ATG4C: variants seen among roughly 807,000 people sequenced by gnomAD.
The protein encoded by ATG4C is autophagy related 4C cysteine peptidase.
Under a neutral mutation model 57.6 loss-of-function variants are expected in ATG4C, and 56 were observed. The observed-to-expected ratio is 0.97, with a 90% CI of 0.78 to 1.21. The LOEUF (loss-of-function observed/expected upper bound fraction) is 1.21. Among genes scored for constraint, ATG4C ranks in the 50% most tolerant of loss-of-function variants. The pLI is 0.00. For missense variants in ATG4C, 595 were observed against 529.8 expected (o/e 1.12, Z -1.21); for synonymous variants, 157 against 174.1 (o/e 0.90, Z 0.78).
rs139212014 is a variant in ATG4C at position 62,860,168 on chromosome 1, G to A, written c.1210-3824G>A. Reference sequence around the variant, plus strand: ...CCACTATCTTCTACCCCTACATCTTGTCCCACTAGAAGGTCTCCAGGGATG... The same window carrying A: ...CCACTATCTTCTACCCCTACATCTTATCCCACTAGAAGGTCTCCAGGGATG... On this transcript the variant is annotated intron_variant, in intron 10 of 10. Coordinates refer to ENST00000317868, the MANE Select transcript of ATG4C (RefSeq NM_032852.4). Among the ~76,000 whole-genome samples, 7 of 152,148 alleles carry A rather than the reference G, an allele frequency of 4.6e-5. No individual in the cohort carries two copies. In the East Asian group the frequency reaches 1.3e-3, roughly 29 times the overall value.
At chr1:62,855,606 T>C (rs565599855) in intron 10 of ATG4C, among the ~76,000 whole-genome samples, 10 of 152,236 alleles carry the variant, frequency 6.6e-5, no homozygotes, top group Non-Finnish European at 1.3e-4. Context: ...TTATAGCCAT[T>C]GAATCCCTGA....
intron 3 of ATG4C, among the ~76,000 whole-genome samples, chr1:62,806,514 T>TTA (rs958446700): frequency 5.9e-5 from 9 of 151,816 alleles, no homozygotes; most frequent in African/African-American, 2.2e-4. Context: ...TAGGATAGAA[T>TTA]TATATATATA....
At chr1:62,800,261 A>C (rs1664614327) in intron 1 of ATG4C, among the ~76,000 whole-genome samples, 1 of 152,214 alleles carries the variant, frequency 6.6e-6, no homozygotes, top group Admixed American at 6.5e-5. Context: ...TGGATCTAGA[A>C]GACCAAGCTT....
chr1:62,809,631 A>C (rs894820648), intron 3 of ATG4C, among the ~76,000 whole-genome samples: 1 of 147,474 alleles, frequency 6.8e-6, no homozygotes, highest in Non-Finnish European at 1.5e-5. Flanking sequence ...TAATGTATCT[A>C]TATATACATA....
intron 3 of ATG4C, among the ~76,000 whole-genome samples, chr1:62,809,582 A>T (rs892162378): frequency 4.8e-5 from 7 of 146,974 alleles, no homozygotes; most frequent in African/African-American, 1.5e-4. Context: ...ATAATATATA[A>T]TATACTAATG....
chr1:62,816,124 G>A (rs1382410291), intron 3 of ATG4C, among the ~76,000 whole-genome samples: 2 of 152,050 alleles, frequency 1.3e-5, no homozygotes, highest in African/African-American at 4.8e-5. Flanking sequence ...TCTTTATTTT[G>A]CCTTTATTTT....
Position 62,819,254 on chromosome 1 carries a change from A to G in ATG4C, c.644A>G (p.His215Arg). 6.2e-7 allele frequency: 1 copy of G among 1,613,578 alleles called. No homozygotes were observed. Among genetic ancestry groups the G allele is most frequent in the East Asian group, 2.2e-5 (1 of 44,850 alleles). ...GDSPLALFGL[H>R]QLIEYGKKSG... ...TCCCCCTTGGCTCTTTTTGGCTTAC[A>G]TCAACTAATAGAATATGGAAAGAAG... Residue 215 changes from histidine (H) to arginine (R), a missense_variant, in exon 5 of 11, where the codon CAT becomes CGT. By Grantham distance (29) the His-to-Arg change is conservative (BLOSUM62 0). Coordinates refer to ENST00000317868, the MANE Select transcript of ATG4C (RefSeq NM_032852.4).
rs114637072 is a variant in ATG4C, at chr1:62,814,893, C to T, written c.161-1682C>T. ...CAGCTTGGCCAACATGGAGACACCT[C>T]GTCTCAACTAAAAATACAAAAATTA... is the stretch of plus-strand genomic sequence containing the variant. On this transcript the variant is annotated intron_variant, in intron 3 of 10. Coordinates refer to ENST00000317868, the MANE Select transcript of ATG4C (RefSeq NM_032852.4). Among the ~76,000 whole-genome samples, 1,113 of 152,140 alleles carry T rather than the reference C, an allele frequency of 7.3e-3. 18 individuals carry two copies. Among genetic ancestry groups the T allele is most frequent in the African/African-American group, 0.026 (1,075 of 41,514 alleles).
At chr1:62,845,723 A>G (rs559101629) in intron 10 of ATG4C, among the ~76,000 whole-genome samples, 101 of 151,762 alleles carry the variant, frequency 6.7e-4, no homozygotes, top group Non-Finnish European at 2.9e-4. Flanking sequence ...TTTTTTTGAG[A>G]TGGAGTCTTG....
At chr1:62,843,333 T>C (rs1666229230) in intron 10 of ATG4C, among the ~76,000 whole-genome samples, 1 of 152,180 alleles carries the variant, frequency 6.6e-6, no homozygotes, top group Admixed American at 6.5e-5. Flanking sequence ...AAGAATCAAT[T>C]AACTTTGCTT....
At chr1:62,850,862 A>G (rs369922109) in intron 10 of ATG4C, among the ~76,000 whole-genome samples, 10,036 of 57,094 alleles carry the variant, frequency 0.18, 813 homozygotes, top group African/African-American at 0.28. Context: ...ATGTATATAT[A>G]TATATATATA....
At chr1:62,822,551 A>G (rs1026928283) in intron 6 of ATG4C, among the ~76,000 whole-genome samples, 1 of 152,226 alleles carries the variant, frequency 6.6e-6, no homozygotes, top group East Asian at 1.9e-4. Context: ...CAAACATTAC[A>G]GTGTTCCTTG....
intron 9 of ATG4C, among the ~76,000 whole-genome samples, chr1:62,839,911 A>G (rs1030254295): frequency 9.2e-5 from 14 of 152,128 alleles, no homozygotes; most frequent in Non-Finnish European, 1.8e-4. Flanking sequence ...TTCATTGGAA[A>G]AAAAAGCAGC....
intron 10 of ATG4C, among the ~76,000 whole-genome samples, chr1:62,863,160 G>A (rs1666905614): frequency 6.6e-6 from 1 of 151,770 alleles, no homozygotes; most frequent in South Asian, 2.1e-4. Context: ...AAATTGATGG[G>A]CTATAAAGGT....
intron 4 of ATG4C, among the ~76,000 whole-genome samples, chr1:62,817,115 T>C (rs1225799336): frequency 6.6e-6 from 1 of 152,184 alleles, no homozygotes; most frequent in Non-Finnish European, 1.5e-5. Flanking sequence ...TTATTGTTCT[T>C]ACTGTTTCTT....
Position 62,819,066 on chromosome 1 carries a change from C to T in ATG4C, c.456C>T (p.His152=), listed in dbSNP as rs1665387481. Reference sequence around the variant, plus strand: ...CAGACTCTGAATCATGGACTTCCCACACTGTCAAAAAATTTACTGCATCAT... The same window carrying T: ...CAGACTCTGAATCATGGACTTCCCATACTGTCAAAAAATTTACTGCATCAT... ...ENSDSESWTS[H]TVKKFTASFE... The change falls in exon 5 of 11, where the codon CAC becomes CAT. Residue 152 remains histidine, a synonymous_variant. Coordinates refer to ENST00000317868, the MANE Select transcript of ATG4C (RefSeq NM_032852.4). 1.2e-6 allele frequency: 2 copies of T among 1,605,686 alleles called. No individual in the cohort carries two copies. The highest frequency in any genetic ancestry group is 8.5e-7 in the Non-Finnish European group (1 of 1,176,018).
At chr1:62,847,597 A>G (rs1051806127) in intron 10 of ATG4C, among the ~76,000 whole-genome samples, 10 of 152,188 alleles carry the variant, frequency 6.6e-5, no homozygotes, top group Admixed American at 2.0e-4. Flanking sequence ...CACAATGAGT[A>G]AAAAATCACC....
intron 3 of ATG4C, among the ~76,000 whole-genome samples, chr1:62,806,131 C>G (rs1423209750): frequency 2.0e-5 from 3 of 152,044 alleles, no homozygotes; most frequent in African/African-American, 7.2e-5. Context: ...AAATAATTTA[C>G]ATGTATTAAC....
At chr1:62,814,511 A>T (rs1665198371) in intron 3 of ATG4C, among the ~76,000 whole-genome samples, 1 of 152,128 alleles carries the variant, frequency 6.6e-6, no homozygotes, top group African/African-American at 2.4e-5. Flanking sequence ...AGGTTGATGG[A>T]TGCAGCAAAC....
Sources: gnomAD v4.1 joint callset for allele counts (sites outside exome capture counted in the v4.1 genomes callset) on GRCh38, gnomAD v4.1.1 for gene constraint, MANE v1.5 for transcripts, NCBI Gene and HGNC (gene_info 2026-07-23, HGNC 2026-07-21) for gene names.